Variants in TNXB observed in about 807,000 individuals in gnomAD.
TNXB encodes tenascin-X.
TNXB carries 183 observed loss-of-function variants against 340.5 expected under a neutral mutation model. That is an observed-to-expected ratio of 0.54 (90% CI 0.48 to 0.61). The LOEUF (loss-of-function observed/expected upper bound fraction) is 0.61. Ranked by LOEUF, TNXB falls within the 20% of genes least tolerant of loss-of-function variation. The pLI, the probability that TNXB is intolerant of heterozygous loss-of-function variation, is 0.00. For synonymous variants in TNXB, 2,121 were observed against 2,314.5 expected (o/e 0.92, Z 2.40); for missense variants, 4,613 against 5,446.4 (o/e 0.85, Z 4.82).
rs1366478111 is a variant in TNXB, at chr6:32,067,059, G to C, written c.6544+602C>G. Among the ~76,000 whole-genome samples, 1 of 148,710 alleles carries C rather than the reference G, an allele frequency of 6.7e-6. No homozygotes were observed. The highest frequency in any genetic ancestry group is 1.5e-5 in the Non-Finnish European group (1 of 67,536). On this transcript the variant is annotated intron_variant, in intron 18 of 43. Coordinates refer to ENST00000644971, the MANE Select transcript of TNXB (RefSeq NM_001365276.2). The surrounding 1 kb of genome is among the most constrained non-coding windows in gnomAD (Gnocchi z 4.2). ...CCAGTACACTCTAGCCCAGGCGACA[G>C]AGTGAGACCTTGTCTAAAAAGAAAG...
chr6:32,089,186 C>T lies in TNXB; in HGVS notation c.2515+37G>A. On this transcript the variant is annotated intron_variant, in intron 5 of 43. Transcript: ENST00000644971. The surrounding 1 kb of genome is among the most constrained non-coding windows in gnomAD (Gnocchi z 6.2). ...AGATTCCCTCTCTAGTCCAGATCTC[C>T]ACTCAGGACACCCCTCCCCACAGCC... 1 of 1,573,878 alleles carries T rather than the reference C, an allele frequency of 6.4e-7. No individual in the cohort carries two copies. Among genetic ancestry groups the T allele is most frequent in the Non-Finnish European group, 8.6e-7 (1 of 1,158,910 alleles).
rs2894232 is a variant in TNXB at position 32,043,867 on chromosome 6, A to G, written c.11412T>C (p.Asp3804=). The G allele has an allele frequency of 0.12, 192,787 of 1,612,924 alleles. 13,763 individuals are homozygous for G. The highest frequency in any genetic ancestry group is 0.25 in the South Asian group (22,977 of 90,990). The change falls in exon 35 of 44, where the codon GAT becomes GAC. Residue 3804 remains aspartate, a synonymous_variant. Coordinates refer to ENST00000644971, the MANE Select transcript of TNXB (RefSeq NM_001365276.2). ...DGGEPQSVQV[D]GQARTQKLQG... is the part of the protein sequence containing the mutation. ...GGAGTTTCTGGGTCCGGGCCTGGCC[A>G]TCCACCTGCACACTCTGAGGCTCCC...
rs1412743511 is a variant in TNXB, at chr6:32,074,504, T to C, written c.4376-552A>G. On this transcript the variant is annotated intron_variant, in intron 11 of 43. Transcript: ENST00000644971. The surrounding 1 kb of genome is among the most constrained non-coding windows in gnomAD (Gnocchi z 5.5). ...TGGGAGAGCGCTGAAATTCCATCTA[T>C]ATGCCAATGACTCCAGATTTACACC... Among the ~76,000 whole-genome samples, 3 of 152,144 alleles carry C rather than the reference T, an allele frequency of 2.0e-5. No individual in the cohort carries two copies. In the East Asian group the frequency reaches 5.8e-4, roughly 29 times the overall value.
chr6:32,092,517 T>A (rs1780119752), intron 4 of TNXB, among the ~76,000 whole-genome samples: 1 of 152,064 alleles, frequency 6.6e-6, no homozygotes, highest in African/African-American at 2.4e-5. Flanking sequence ...GAATATACTC[T>A]GTACCCACAG....
chr6:32,046,984 C>T lies in TNXB; in HGVS notation c.10325-528G>A, dbSNP rs1776929114. On this transcript the variant is annotated intron_variant, in intron 30 of 43. Coordinates refer to ENST00000644971, the MANE Select transcript of TNXB (RefSeq NM_001365276.2). This position sits in a 1 kb window ranked among gnomAD's most constrained non-coding sequence, Gnocchi z 6.9. ...ATCCGTGCCTCCTGCTTCCCCAGCC[C>T]CACACTGACCCCACTGGGCCGGGGC... is the stretch of plus-strand genomic sequence containing the variant. Among the ~76,000 whole-genome samples the T allele has an allele frequency of 6.6e-6, 1 of 152,254 alleles. No individual in the cohort carries two copies. Among genetic ancestry groups the T allele is most frequent in the South Asian group, 2.1e-4 (1 of 4,832 alleles).
At chr6:32,053,264 G>A in intron 25 of TNXB, 124 bp downstream of exon 25, 2 of 1,445,826 alleles carry the variant, frequency 1.4e-6, no homozygotes, top group Non-Finnish European at 1.9e-6. Flanking sequence ...GGGAAGTGGG[G>A]AAAGACAAAA....
Position 32,097,841 on chromosome 6 carries a change from G to C in TNXB, c.358C>G (p.Gln120Glu), listed in dbSNP as rs775116960. 1 of 1,528,614 alleles carries C rather than the reference G, an allele frequency of 6.5e-7. No individual in the cohort carries two copies. The allele number at this position is 1,528,614 out of a possible 1,614,324, so 94.7% of individuals were successfully genotyped here. ...GCAGGACAACATCCCCCAGTGCACT[G>C]TTCCTTGAGCCCCTTCACCAACTCC... The part of the protein sequence containing the change: ...LEELVKGLKE[Q>E]CTGGCCPASA... Residue 120 changes from glutamine to glutamate, a missense_variant, in exon 2 of 44, where the codon CAG (glutamine) becomes GAG (glutamate). This residue lies in a region of TNXB where 4,327 missense variants were observed against 4,859.4 expected (regional missense o/e 0.89). Transcript: ENST00000644971. This position sits in a 1 kb window ranked among gnomAD's most constrained non-coding sequence, Gnocchi z 5.9.
chr6:32,092,560 G>C (rs922761584), intron 4 of TNXB, among the ~76,000 whole-genome samples: 1 of 152,018 alleles, frequency 6.6e-6, no homozygotes, highest in Non-Finnish European at 1.5e-5. Context: ...CATTGTGGCA[G>C]GTGTCTGTAA....
chr6:32,074,686 C>CT lies in TNXB; in HGVS notation c.4376-735dup, dbSNP rs1011810203. On this transcript the variant is annotated intron_variant, in intron 11 of 43. Coordinates refer to ENST00000644971, the MANE Select transcript of TNXB (RefSeq NM_001365276.2). This position sits in a 1 kb window ranked among gnomAD's most constrained non-coding sequence, Gnocchi z 5.5. ...CCTCCCCACCTCAGTAAGATTACAA[C>CT]TTTTTTTTTTTGAGACGGAGTTTCG... Among the ~76,000 whole-genome samples, 1,483 of 148,558 alleles carry CT rather than the reference C, an allele frequency of 1.0e-2. 25 individuals carry two copies. The highest frequency in any genetic ancestry group is 0.034 in the African/African-American group (1,385 of 40,732).
chr6:32,097,395 C>T lies in TNXB; in HGVS notation c.458G>A (p.Arg153His), dbSNP rs773546748. The T allele has an allele frequency of 3.7e-6, 6 of 1,609,888 alleles. No homozygotes were observed. Among genetic ancestry groups the T allele is most frequent in the Admixed American group, 1.7e-5 (1 of 59,982 alleles). ...GCCTGGCTCACAGGAACAGGTGCAG[C>T]GGCTCAGATCAAACACACCATGGAG... ...CSLHGVFDLS[R>H]CTCSCEPGWG... The change falls in exon 3 of 44, where the codon CGC (arginine) becomes CAC (histidine). Residue 153 changes from arginine (R) to histidine (H), a missense_variant. Physicochemically the swap from Arg to His is conservative, Grantham distance 29 (BLOSUM62 0). This residue lies in a region of TNXB where 4,327 missense variants were observed against 4,859.4 expected (regional missense o/e 0.89). Transcript: ENST00000644971. The surrounding 1 kb of genome is among the most constrained non-coding windows in gnomAD (Gnocchi z 5.9).
rs1778686007 is a variant in TNXB at position 32,070,256 on chromosome 6, C to A, written c.5149G>T (p.Val1717Leu). 6.2e-7 allele frequency: 1 copy of A among 1,612,722 alleles called. No individual in the cohort carries two copies. The highest frequency in any genetic ancestry group is 2.2e-5 in the East Asian group (1 of 44,856). ...QFKDKDGPQVVPVEGHERSVT... is the reference protein window; with the variant it reads ...QFKDKDGPQVLPVEGHERSVT... ...GAGCGCTCATGGCCCTCCACGGGCA[C>A]CACCTGGGGCCCGTCTTTGTCCTTG... The change falls in exon 14 of 44, where the codon GTG (valine) becomes TTG (leucine). Residue 1717 changes from valine (V) to leucine (L), a missense_variant. Coordinates refer to ENST00000644971, the MANE Select transcript of TNXB (RefSeq NM_001365276.2). The surrounding 1 kb of genome is among the most constrained non-coding windows in gnomAD (Gnocchi z 6.0).
At chr6:32,077,830 C>T (rs938476739) in intron 11 of TNXB, among the ~76,000 whole-genome samples, 5 of 152,134 alleles carry the variant, frequency 3.3e-5, no homozygotes, top group Admixed American at 6.5e-5. Context: ...AGTTTGAGAC[C>T]AGCCTGGCTG....
intron 1 of TNXB, among the ~76,000 whole-genome samples, chr6:32,098,686 G>A (rs1476335540): frequency 6.6e-6 from 1 of 152,068 alleles, no homozygotes; most frequent in African/African-American, 2.4e-5. Flanking sequence ...CTCCATGTCG[G>A]TCAGGCTGGT....
At position 32,088,915 on chromosome 6, in the gene TNXB, C is replaced by A. The variant is rs577302790; in HGVS notation, c.2649G>T (p.Arg883Ser). ...SYVSAGNQRV[R>S]LEVPPEADGT... ...CGTCTGCTTCAGGGGGCACTTCCAG[C>A]CTCACCCTCTGGTTGCCGGCACTGA... Residue 883 changes from arginine to serine, a missense_variant, in exon 6 of 44, where the codon AGG becomes AGT. Arg to Ser is a moderately radical substitution (Grantham distance 110, BLOSUM62 -1). Coordinates refer to ENST00000644971, the MANE Select transcript of TNXB (RefSeq NM_001365276.2). The A allele has an allele frequency of 2.5e-6, 4 of 1,599,424 alleles. No homozygotes were observed. In the African/African-American group the frequency reaches 4.0e-5, roughly 16 times the overall value.
chr6:32,096,193 A>C lies in TNXB; in HGVS notation c.1660T>G (p.Cys554Gly). 2 of 1,568,366 alleles carry C rather than the reference A, an allele frequency of 1.3e-6. No individual in the cohort carries two copies. The highest frequency in any genetic ancestry group is 2.3e-5 in the South Asian group (2 of 85,890). The change falls in exon 3 of 44, where the codon TGC becomes GGC. Residue 554 changes from cysteine (C) to glycine (G), a missense_variant. This residue lies in a region of TNXB where 4,327 missense variants were observed against 4,859.4 expected (regional missense o/e 0.89). Coordinates refer to ENST00000644971, the MANE Select transcript of TNXB (RefSeq NM_001365276.2). ...CCCCCGGGGCAGCTGCGCGTGCTGC[A>C]GTCTTCCCCTGAGTAGCCTGCGTCA... is the stretch of plus-strand genomic sequence containing the variant. Reference protein sequence around the residue: ...VCDAGYSGEDCSTRSCPGGCR... With the variant: ...VCDAGYSGEDGSTRSCPGGCR...
Position 32,046,115 on chromosome 6 carries a change from C to A in TNXB, c.10606+60G>T. ...TCCTGCAGTCATCTTTGTCTTCAGC[C>A]CAAATGCACAAGGAAACCCACACAA... On this transcript the variant is annotated intron_variant, in intron 31 of 43. Transcript: ENST00000644971. This position sits in a 1 kb window ranked among gnomAD's most constrained non-coding sequence, Gnocchi z 6.9. 1 of 1,542,062 alleles carries A rather than the reference C, an allele frequency of 6.5e-7. No individual in the cohort carries two copies.
chr6:32,089,107 C>T lies in TNXB; in HGVS notation c.2516-59G>A. On this transcript the variant is annotated intron_variant, in intron 5 of 43. Coordinates refer to ENST00000644971, the MANE Select transcript of TNXB (RefSeq NM_001365276.2). The surrounding 1 kb of genome is among the most constrained non-coding windows in gnomAD (Gnocchi z 6.2). ...GTCTGGTTCTTCAATCATCATCTTT[C>T]CTTCCAAGAGCCTAGCCCCCATCCA... 6.3e-7 allele frequency: 1 copy of T among 1,588,702 alleles called. No homozygotes were observed. The highest frequency in any genetic ancestry group is 8.6e-7 in the Non-Finnish European group (1 of 1,165,956).
intron 1 of TNXB, among the ~76,000 whole-genome samples, chr6:32,103,365 G>A (rs1360909375): frequency 1.3e-5 from 2 of 151,648 alleles, no homozygotes; most frequent in Non-Finnish European, 2.9e-5. Flanking sequence ...GGGAGGCAAA[G>A]GTTGCAGTGA....
At position 32,079,073 on chromosome 6, in the gene TNXB, C is replaced by T; in HGVS notation, c.4335G>A (p.Glu1445=). ...CGGACACCGGGCCCACGCGCTGCCC[C>T]TCGTGGAGGCCGTACAGGTGCATCT... The part of the protein sequence containing the change: ...KYKMHLYGLH[E]GQRVGPVSAV... Residue 1445 remains glutamate, a synonymous_variant, in exon 11 of 44, where the codon GAG becomes GAA. Transcript: ENST00000644971. This position sits in a 1 kb window ranked among gnomAD's most constrained non-coding sequence, Gnocchi z 7.1. 2.5e-6 allele frequency: 4 copies of T among 1,613,480 alleles called. No individual in the cohort carries two copies. Among genetic ancestry groups the T allele is most frequent in the Non-Finnish European group, 3.4e-6 (4 of 1,179,812 alleles).
Sources: allele counts gnomAD v4.1 joint callset (sites outside exome capture counted in the v4.1 genomes callset), GRCh38; gene constraint gnomAD v4.1.1; regional missense constraint gnomAD v4.1.1; non-coding constraint Gnocchi (gnomAD v3.1); transcripts MANE v1.5; gene names NCBI Gene and HGNC (gene_info 2026-07-23, HGNC 2026-07-21).